THOC2: variants seen among roughly 807,000 people sequenced by gnomAD.
The protein encoded by THOC2 is THO complex subunit 2.
Under a neutral mutation model 128.4 loss-of-function variants are expected in THOC2, and 10 were observed. The observed-to-expected ratio is 0.08, with a 90% CI of 0.05 to 0.13. The LOEUF (loss-of-function observed/expected upper bound fraction) is 0.13. Among genes scored for constraint, THOC2 ranks in the 10% least tolerant of loss-of-function variants. The pLI, the probability that THOC2 is intolerant of heterozygous loss-of-function variation, is 1.00. For missense variants in THOC2, 535 were observed against 1,155.7 expected (o/e 0.46, Z 7.79); for synonymous variants, 393 against 396.9 (o/e 0.99, Z 0.12).
At chrX:123,716,121 C>T (rs1020961159) in intron 1 of THOC2, among the ~76,000 whole-genome samples, 1 of 112,065 alleles carries the variant, frequency 8.9e-6, no homozygotes, top group African/African-American at 3.2e-5. Context: ...GATCATTCAC[C>T]ATGATCACAA....
At chrX:123,615,030 G>T (rs756000359) in intron 33 of THOC2, among the ~76,000 whole-genome samples, 1 of 111,757 alleles carries the variant, frequency 8.9e-6, no homozygotes, top group African/African-American at 3.2e-5. Context: ...GAAATATGCT[G>T]TAACATAAAA....
intron 8 of THOC2, among the ~76,000 whole-genome samples, chrX:123,675,375 T>A (rs1426764879): frequency 9.0e-6 from 1 of 111,605 alleles, no homozygotes; most frequent in African/African-American, 3.3e-5. Flanking sequence ...GCACAGTGAC[T>A]CACACCTGTA....
intron 9 of THOC2, among the ~76,000 whole-genome samples, 187 bp from the exon 10 acceptor site, chrX:123,668,501 T>C (rs1216330252): frequency 8.9e-6 from 1 of 112,513 alleles, no homozygotes; most frequent in African/African-American, 3.2e-5. Context: ...CTGAATTCTG[T>C]ACCCCTTTTA....
intron 36 of THOC2, among the ~76,000 whole-genome samples, chrX:123,612,442 T>C (rs1342546029): frequency 8.9e-6 from 1 of 111,972 alleles, no homozygotes; most frequent in East Asian, 2.8e-4. Context: ...AAGGGCACAT[T>C]ATTGTACTAT....
At chrX:123,699,646 C>T (rs2050610413) in intron 4 of THOC2, among the ~76,000 whole-genome samples, 1 of 111,088 alleles carries the variant, frequency 9.0e-6, no homozygotes, top group African/African-American at 3.3e-5. Context: ...TAAGATCTAC[C>T]TCTCAAGGTC....
In THOC2 at chrX:123,732,938, G is replaced by A. The variant is rs371279605; in HGVS notation, c.71+14C>T. 8 of 1,209,422 alleles carry A rather than the reference G, an allele frequency of 6.6e-6. No homozygotes were observed. The highest frequency in any genetic ancestry group is 9.0e-6 in the Non-Finnish European group (8 of 893,316). On this transcript the variant is annotated intron_variant, in intron 1 of 38. Transcript: ENST00000245838. ...CGGCCCGGCAGTGCGCCTGCCTCCG[G>A]CCCGAACACTCACAATTCGCCTCTC...
At chrX:123,638,416 T>C (rs770141258) in intron 17 of THOC2, among the ~76,000 whole-genome samples, 1 of 111,656 alleles carries the variant, frequency 9.0e-6, no homozygotes, top group African/African-American at 3.3e-5. Context: ...CCCAGCACTT[T>C]GGGAGGCCAA....
At chrX:123,701,630 G>T (rs2050707772) in intron 4 of THOC2, among the ~76,000 whole-genome samples, 1 of 108,056 alleles carries the variant, frequency 9.3e-6, no homozygotes, top group African/African-American at 3.4e-5. Context: ...CAGTCTTACA[G>T]TCTTACAAAT....
chrX:123,647,917 T>TA (rs34180722), intron 12 of THOC2, among the ~76,000 whole-genome samples: 4 of 107,504 alleles, frequency 3.7e-5, no homozygotes, highest in Admixed American at 9.9e-5. Flanking sequence ...AATGGGAAGT[T>TA]AAAAAAAGCT....
At chrX:123,637,262 C>T (rs949027620) in intron 18 of THOC2, among the ~76,000 whole-genome samples, 2 of 111,611 alleles carry the variant, frequency 1.8e-5, no homozygotes. Context: ...TGCAAGATTC[C>T]GCTATCAGAT....
chrX:123,660,974 A>C (rs1044752055), intron 12 of THOC2, among the ~76,000 whole-genome samples: 1 of 112,415 alleles, frequency 8.9e-6, no homozygotes, highest in Non-Finnish European at 1.9e-5. Flanking sequence ...ACAATGGAAT[A>C]CTATTCAGCC....
intron 12 of THOC2, among the ~76,000 whole-genome samples, chrX:123,663,991 G>A (rs1253766004): frequency 8.9e-6 from 1 of 111,737 alleles, no homozygotes; most frequent in East Asian, 2.8e-4. Flanking sequence ...GTATATATGT[G>A]CCACATTTTC....
At chrX:123,702,806 G>C (rs1031239733) in intron 4 of THOC2, among the ~76,000 whole-genome samples, 1 of 107,716 alleles carries the variant, frequency 9.3e-6, no homozygotes, top group East Asian at 2.9e-4. Context: ...CTGACTGAAG[G>C]GAAAACTGTG....
chrX:123,642,113 A>G lies in THOC2; in HGVS notation c.1662-1491T>C, dbSNP rs138447355. ...AAGGAAGATTGTGTCTCAGCCTTTT[A>G]GCTAAGGTCAGTGTAGAAATATAAG... is the stretch of plus-strand genomic sequence containing the variant. On this transcript the variant is annotated intron_variant, in intron 15 of 38. Coordinates refer to ENST00000245838, the MANE Select transcript of THOC2 (RefSeq NM_001081550.2). 6.0e-3 allele frequency among the ~76,000 whole-genome samples: 675 copies of G among 112,374 alleles called. 4 individuals carry two copies. Among genetic ancestry groups the G allele is most frequent in the Middle Eastern group, 0.023 (5 of 215 alleles).
At chrX:123,607,816 G>A (rs2046535327) in intron 38 of THOC2, among the ~76,000 whole-genome samples, 1 of 110,550 alleles carries the variant, frequency 9.0e-6, no homozygotes, top group African/African-American at 3.3e-5. Flanking sequence ...GTGAGTGGGG[G>A]AGGGCAGCAG....
At chrX:123,678,746 G>A (rs1449714967) in intron 8 of THOC2, among the ~76,000 whole-genome samples, 1 of 109,930 alleles carries the variant, frequency 9.1e-6, no homozygotes, top group African/African-American at 3.3e-5. Context: ...ATTGTTGACC[G>A]AAACATCATT....
intron 3 of THOC2, among the ~76,000 whole-genome samples, chrX:123,705,987 T>C (rs754186080): frequency 9.0e-6 from 1 of 111,626 alleles, no homozygotes; most frequent in Non-Finnish European, 1.9e-5. Flanking sequence ...GCACGCCACT[T>C]GTAAAACCTC....
intron 15 of THOC2, among the ~76,000 whole-genome samples, chrX:123,643,327 C>T (rs1291967144): frequency 1.8e-5 from 2 of 111,362 alleles, no homozygotes; most frequent in African/African-American, 6.5e-5. Context: ...TTAACATATA[C>T]CTTCAGGTAA....
intron 8 of THOC2, among the ~76,000 whole-genome samples, chrX:123,682,099 C>T (rs902756548): frequency 2.7e-5 from 3 of 111,941 alleles, no homozygotes; most frequent in Non-Finnish European, 5.6e-5. Flanking sequence ...TTTTAAAAAC[C>T]GTAAACTATA....
Sources: allele counts gnomAD v4.1 joint callset (sites outside exome capture counted in the v4.1 genomes callset), GRCh38; gene constraint gnomAD v4.1.1; transcripts MANE v1.5; gene names NCBI Gene and HGNC (gene_info 2026-07-23, HGNC 2026-07-21).